Variants in PTCH1 observed in about 807,000 individuals in gnomAD.
PTCH1 encodes protein patched homolog 1.
Under a neutral mutation model 144.6 loss-of-function variants are expected in PTCH1, and 14 were observed. The ratio of observed to expected loss-of-function variants is 0.10; its 90% CI spans 0.06 to 0.15. PTCH1 has a LOEUF of 0.15. PTCH1 is among the 10% of genes least tolerant of loss of function. The pLI is 1.00. For missense variants in PTCH1, 1,623 were observed against 1,948.3 expected, an observed-to-expected ratio of 0.83 and a Z score of 3.14; for synonymous variants, 833 against 793.6, an observed-to-expected ratio of 1.05 and a Z score of -0.83.
chr9:95,478,148 C>A lies in PTCH1; in HGVS notation c.1254G>T (p.Lys418Asn), dbSNP rs1227338966. ...HQSVAQNSTQ[K>N]VLSFTTTTLD... is the part of the protein sequence containing the mutation. ...GGGTCGTGGTGGTGAAGGAAAGCACCTTTTGAGTGGAGTTCTGTGCGACAC... is the reference window on the plus strand; with the variant it reads ...GGGTCGTGGTGGTGAAGGAAAGCACATTTTGAGTGGAGTTCTGTGCGACAC... The change falls in exon 9 of 24, where the codon AAG (lysine) becomes AAT (asparagine). Residue 418 changes from lysine to asparagine, a missense_variant. Lys to Asn is a moderately conservative substitution (Grantham distance 94). Coordinates refer to ENST00000331920, the MANE Select transcript of PTCH1 (RefSeq NM_000264.5). The A allele has an allele frequency of 5.0e-6, 8 of 1,614,164 alleles. No homozygotes were observed. Among genetic ancestry groups the A allele is most frequent in the South Asian group, 1.1e-5 (1 of 91,076 alleles).
At chr9:95,459,452 C>A (rs1839258014) in intron 17 of PTCH1, 148 bp downstream of exon 17, 2 of 1,027,488 alleles carry the variant, frequency 1.9e-6, no homozygotes, top group Admixed American at 4.0e-5. Flanking sequence ...TCCTCGTCTC[C>A]CAGAGTTTTA....
intron 2 of PTCH1, chr9:95,495,315 A>C (rs551728920): frequency 3.3e-4 from 50 of 152,282 alleles, no homozygotes; most frequent in African/African-American, 1.2e-3. Context: ...CAGAGAAAAT[A>C]CCTCAAGTGC....
chr9:95,482,408 T>G, intron 3 of PTCH1: 1 of 599,706 alleles, frequency 1.7e-6, no homozygotes, highest in Middle Eastern at 4.5e-4. Context: ...ACATGTAGGG[T>G]GTTTATGTAA....
Position 95,447,315 on chromosome 9 carries a change from G to T in PTCH1, c.3941C>A (p.Pro1314His). The T allele has an allele frequency of 6.2e-7, 1 of 1,613,260 alleles. No homozygotes were observed. Among genetic ancestry groups the T allele is most frequent in the Non-Finnish European group, 8.5e-7 (1 of 1,179,982 alleles). ...RDPPREGLWP[P>H]PYRPRRDAFE... ...AGCGTCTCTGCGCGGTCTGTAGGGG[G>T]GTGGCCACAAGCCTTCTCTGGGGGG... The change falls in exon 23 of 24, where the codon CCC becomes CAC. Residue 1314 changes from proline to histidine, a missense_variant. By Grantham distance (77) the Pro-to-His change is moderately conservative. This residue lies in a region of PTCH1 where 291 missense variants were observed against 287.4 expected (regional missense o/e 1.01). Coordinates refer to ENST00000331920, the MANE Select transcript of PTCH1 (RefSeq NM_000264.5).
chr9:95,505,811 T>C (rs1209310071), intron 2 of PTCH1, among the ~76,000 whole-genome samples: 1 of 151,588 alleles, frequency 6.6e-6, no homozygotes, highest in Non-Finnish European at 1.5e-5. Context: ...CAAATGTTTT[T>C]TTCCCTCAGA....
chr9:95,469,487 TG>T (rs1321393410), intron 13 of PTCH1, among the ~76,000 whole-genome samples: 9 of 152,212 alleles, frequency 5.9e-5, no homozygotes, highest in African/African-American at 1.7e-4. Flanking sequence ...ATTTTCTAGA[TG>T]GGTGTTTTTC....
exon 1 of PTCH1, chr9:95,516,817 C>G: frequency 6.2e-7 from 1 of 1,600,982 alleles, no homozygotes; most frequent in East Asian, 2.2e-5. Context: ...TTAAGCAGTT[C>G]CATGGCCCTC....
chr9:95,487,186 C>T (rs188598519), intron 2 of PTCH1, among the ~76,000 whole-genome samples: 8 of 152,274 alleles, frequency 5.3e-5, no homozygotes, highest in East Asian at 1.9e-4. Context: ...ACAAATTCAC[C>T]GCCTGGCAGG....
chr9:95,468,542 C>G (rs190227987), intron 14 of PTCH1, among the ~76,000 whole-genome samples: 16 of 152,182 alleles, frequency 1.1e-4, no homozygotes, highest in Admixed American at 8.5e-4. Flanking sequence ...AGACTTGCTG[C>G]ATAGAGGTTC....
chr9:95,475,731 G>A (rs1469877531), intron 12 of PTCH1, among the ~76,000 whole-genome samples: 1 of 152,114 alleles, frequency 6.6e-6, no homozygotes, highest in Admixed American at 6.5e-5. Context: ...ACCCCAGAGG[G>A]CAACATGGAG....
At position 95,464,302 on chromosome 9, in the gene PTCH1, GT is replaced by G. The variant is rs1839808512; in HGVS notation, c.2561-2305del. ...CCCTGGATACAAAACAAGGGATAAG[GT>G]TGGGTTTCCACTGCCCTTTAGCCAG... is the stretch of plus-strand genomic sequence containing the variant. On this transcript the variant is annotated intron_variant, in intron 15 of 23. Coordinates refer to ENST00000331920, the MANE Select transcript of PTCH1 (RefSeq NM_000264.5). Among the ~76,000 whole-genome samples the G allele has an allele frequency of 3.3e-5, 5 of 152,322 alleles. No homozygotes were observed. The South Asian group carries it at 1.0e-3, about 32-fold the overall frequency.
intron 7 of PTCH1, among the ~76,000 whole-genome samples, chr9:95,479,467 T>G (rs1160380798): frequency 6.6e-6 from 1 of 152,210 alleles, no homozygotes. Flanking sequence ...CCGGGCTCAG[T>G]GACGCATACT....
At chr9:95,461,734 A>G in intron 16 of PTCH1, 122 bp downstream of exon 16, 1 of 1,364,756 alleles carries the variant, frequency 7.3e-7, no homozygotes, top group Non-Finnish European at 1.0e-6. Flanking sequence ...TCTTTCTACC[A>G]GCTCCCAGTG....
Position 95,506,210 on chromosome 9 carries a change from C to A in PTCH1, c.394+197G>T. On this transcript the variant is annotated intron_variant, in intron 2 of 23. Transcript: ENST00000331920. The stretch of plus-strand genomic sequence containing the variant: ...ACCACACCTCGGCCGGCGCAGCGCC[C>A]CGAGTAGATTACAGCGCGGCCTTTG... The A allele has an allele frequency of 8.2e-6, 5 of 612,500 alleles. No individual in the cohort carries two copies. In the South Asian group the frequency reaches 1.1e-4, roughly 13 times the overall value. The allele number at this position is 612,500 out of a possible 1,614,324, so 37.9% of individuals were successfully genotyped here. A position where few individuals can be genotyped will look rare whatever the true frequency, so the allele number is the denominator to read the frequency against.
intron 1 of PTCH1, chr9:95,507,857 A>G: frequency 8.7e-7 from 1 of 1,150,128 alleles, no homozygotes; most frequent in Non-Finnish European, 1.1e-6. Context: ...TCCGCCGTGG[A>G]CGGCTTTCCA....
rs1484997551 is a variant in PTCH1, at chr9:95,468,739, G to A, written c.2250+12C>T. 6.2e-7 allele frequency: 1 copy of A among 1,613,376 alleles called. No individual in the cohort carries two copies. Among genetic ancestry groups the A allele is most frequent in the Non-Finnish European group, 8.5e-7 (1 of 1,179,398 alleles). ...TTGAAGACAGGAAGAGCCTTAAGTTGTGGCAGATTACCTTGGCTTTTGGTT... is the reference window on the plus strand; with the variant it reads ...TTGAAGACAGGAAGAGCCTTAAGTTATGGCAGATTACCTTGGCTTTTGGTT... On this transcript the variant is annotated intron_variant, in intron 14 of 23. Coordinates refer to ENST00000331920, the MANE Select transcript of PTCH1 (RefSeq NM_000264.5).
chr9:95,470,222 A>T (rs1176564982), intron 12 of PTCH1, among the ~76,000 whole-genome samples: 1 of 152,194 alleles, frequency 6.6e-6, no homozygotes, highest in Non-Finnish European at 1.5e-5. Context: ...AACCAAACCA[A>T]ATCCACAAAG....
intron 19 of PTCH1, among the ~76,000 whole-genome samples, chr9:95,454,641 C>T (rs1838761326): frequency 6.6e-6 from 1 of 152,170 alleles, no homozygotes; most frequent in Non-Finnish European, 1.5e-5. Flanking sequence ...GGCCATGAGG[C>T]CATAAGGGCC....
chr9:95,508,253 C>A lies in PTCH1; in HGVS notation c.109G>T (p.Gly37Trp), dbSNP rs199976372. The A allele has an allele frequency of 1.0e-5, 16 of 1,600,904 alleles. No individual in the cohort carries two copies. The East Asian group carries it at 1.1e-4, about 11-fold the overall frequency. ...GGCGCGGCAGCACGGCGCAGCCCCC[C>A]CGTCCGTCTGCGCCTCCCGCCTCCA... Reference protein sequence around the residue: ...PAGGGRRRRTGGLRRAAAPDR... With the variant: ...PAGGGRRRRTWGLRRAAAPDR... The change falls in exon 1 of 24, where the codon GGG (glycine) becomes TGG (tryptophan). Residue 37 changes from glycine (G) to tryptophan (W), a missense_variant. By Grantham distance (184) the Gly-to-Trp change is radical. Transcript: ENST00000331920.
Sources: gnomAD v4.1 joint callset for allele counts (sites outside exome capture counted in the v4.1 genomes callset) on GRCh38, gnomAD v4.1.1 for gene constraint, gnomAD v4.1.1 regional missense constraint, MANE v1.5 for transcripts, NCBI Gene and HGNC (gene_info 2026-07-23, HGNC 2026-07-21) for gene names.